KCNJ3: variants seen among roughly 807,000 people sequenced by gnomAD.
KCNJ3 encodes G protein-activated inward rectifier potassium channel 1.
A neutral mutation model predicts 39.2 loss-of-function variants in KCNJ3; 4 were observed. That is an observed-to-expected ratio of 0.10 (90% CI 0.05 to 0.23). KCNJ3 has a LOEUF of 0.23. Ranked by LOEUF, KCNJ3 falls within the 10% of genes least tolerant of loss-of-function variation. KCNJ3 has a pLI of 1.00. For synonymous variants in KCNJ3, 230 were observed against 237.4 expected (o/e 0.97, Z 0.29); for missense variants, 276 against 634.9 (o/e 0.43, Z 6.08).
At chr2:154,715,574 T>C (rs558259668) in intron 2 of KCNJ3, among the ~76,000 whole-genome samples, 1 of 152,246 alleles carries the variant, frequency 6.6e-6, no homozygotes, top group Non-Finnish European at 1.5e-5. Flanking sequence ...ATTAAATGCA[T>C]GCTTATTATA....
At chr2:154,838,866 CTAGTGA>C (rs1402660369) in intron 2 of KCNJ3, among the ~76,000 whole-genome samples, 4 of 152,112 alleles carry the variant, frequency 2.6e-5, no homozygotes, top group Non-Finnish European at 5.9e-5. Flanking sequence ...CTTCTCTATG[CTAGTGA>C]TAATGTTTTC....
intron 2 of KCNJ3, among the ~76,000 whole-genome samples, chr2:154,823,987 G>A (rs1687226665): frequency 6.6e-6 from 1 of 152,104 alleles, no homozygotes; most frequent in Non-Finnish European, 1.5e-5. Flanking sequence ...ATAGAGTTTT[G>A]TTTGTTCCCT....
intron 2 of KCNJ3, among the ~76,000 whole-genome samples, chr2:154,797,831 G>A (rs1028718486): frequency 6.6e-6 from 1 of 151,744 alleles, no homozygotes; most frequent in African/African-American, 2.4e-5. Context: ...TTATTATATT[G>A]CATTATTATC....
At chr2:154,749,506 G>T (rs1207377281) in intron 2 of KCNJ3, among the ~76,000 whole-genome samples, 1 of 152,004 alleles carries the variant, frequency 6.6e-6, no homozygotes, top group Non-Finnish European at 1.5e-5. Context: ...TGATAATTTT[G>T]CATAGGCATA....
chr2:154,765,265 A>G (rs1363744813), intron 2 of KCNJ3, among the ~76,000 whole-genome samples: 1 of 152,174 alleles, frequency 6.6e-6, no homozygotes, highest in Non-Finnish European at 1.5e-5. Flanking sequence ...CTTATTAAGG[A>G]AGGCTTCTTT....
At chr2:154,706,621 A>G (rs1388664019) in intron 1 of KCNJ3, among the ~76,000 whole-genome samples, 2 of 152,136 alleles carry the variant, frequency 1.3e-5, no homozygotes, top group African/African-American at 2.4e-5. Context: ...ACACAAGTTG[A>G]GATTTAAAAC....
chr2:154,792,147 T>C (rs933603377), intron 2 of KCNJ3, among the ~76,000 whole-genome samples: 1 of 152,066 alleles, frequency 6.6e-6, no homozygotes, highest in Non-Finnish European at 1.5e-5. Flanking sequence ...GACTATTCCT[T>C]CACCTGTGCC....
intron 2 of KCNJ3, among the ~76,000 whole-genome samples, chr2:154,800,433 A>G (rs968826233): frequency 6.6e-6 from 1 of 152,142 alleles, no homozygotes; most frequent in African/African-American, 2.4e-5. Context: ...GACGGGATGT[A>G]GAGATCGGCA....
chr2:154,763,852 G>GA (rs2105190783), intron 2 of KCNJ3, among the ~76,000 whole-genome samples: 1 of 152,286 alleles, frequency 6.6e-6, no homozygotes, highest in South Asian at 2.1e-4. Flanking sequence ...AGAAACAAGT[G>GA]AAAAGATTTA....
At chr2:154,809,903 TA>T (rs1686978596) in intron 2 of KCNJ3, among the ~76,000 whole-genome samples, 1 of 151,492 alleles carries the variant, frequency 6.6e-6, no homozygotes, top group Non-Finnish European at 1.5e-5. Flanking sequence ...TATATATATA[TA>T]TGCACACACA....
chr2:154,837,032 T>C (rs145161936), intron 2 of KCNJ3, among the ~76,000 whole-genome samples: 163 of 152,298 alleles, frequency 1.1e-3, no homozygotes, highest in African/African-American at 3.7e-3. Flanking sequence ...ACACGAGGGA[T>C]AGAAATTTCA....
At chr2:154,784,676 C>T (rs186321845) in intron 2 of KCNJ3, among the ~76,000 whole-genome samples, 37 of 152,260 alleles carry the variant, frequency 2.4e-4, no homozygotes, top group African/African-American at 8.2e-4. Context: ...CCACTGCGCC[C>T]GGCCTGGACA....
chr2:154,797,429 G>A (rs573679783), intron 2 of KCNJ3, among the ~76,000 whole-genome samples: 4 of 152,060 alleles, frequency 2.6e-5, no homozygotes, highest in South Asian at 4.2e-4. Context: ...CCAAAACTCC[G>A]TAAAATAAGA....
At position 154,845,582 on chromosome 2, in the gene KCNJ3, C is replaced by T. The variant is rs115222631; in HGVS notation, c.920-9145C>T. ...GCTATTGCTTTCATTCTATAATTAA[C>T]AATGCTTTAATAAATACCATAAGGA... On this transcript the variant is annotated intron_variant, in intron 2 of 2. Coordinates refer to ENST00000295101, the MANE Select transcript of KCNJ3 (RefSeq NM_002239.4). Among the ~76,000 whole-genome samples, 161 of 152,278 alleles carry T rather than the reference C, an allele frequency of 1.1e-3. 1 individual carries two copies. In the South Asian group the frequency reaches 0.019, roughly 18 times the overall value.
intron 2 of KCNJ3, among the ~76,000 whole-genome samples, chr2:154,845,925 G>A (rs1173283290): frequency 1.3e-5 from 2 of 151,274 alleles, no homozygotes; most frequent in East Asian, 2.0e-4. Flanking sequence ...AGCCAAGATC[G>A]TACCACTGCC....
chr2:154,840,183 T>TTAAA (rs1380213046), intron 2 of KCNJ3, among the ~76,000 whole-genome samples: 1 of 152,194 alleles, frequency 6.6e-6, no homozygotes, highest in African/African-American at 2.4e-5. Context: ...GCACCATTTA[T>TTAAA]TAAATAAATA....
rs116621755 is a variant in KCNJ3, at chr2:154,763,013, C to T, written c.919+53194C>T. 5.5e-3 allele frequency among the ~76,000 whole-genome samples: 845 copies of T among 152,282 alleles called. 9 individuals carry two copies. The highest frequency in any genetic ancestry group is 0.019 in the African/African-American group (808 of 41,560). On this transcript the variant is annotated intron_variant, in intron 2 of 2. Transcript: ENST00000295101. ...GATTAGAAATTTAATTTCTCCAAGC[C>T]TCAGTTTCTTCATCTGTAACGTGAC...
intron 2 of KCNJ3, among the ~76,000 whole-genome samples, chr2:154,801,416 A>T (rs1686814292): frequency 1.3e-5 from 2 of 152,072 alleles, no homozygotes; most frequent in East Asian, 3.9e-4. Flanking sequence ...TGGTACCAGG[A>T]AGGAATTTTT....
intron 2 of KCNJ3, among the ~76,000 whole-genome samples, chr2:154,823,343 A>G (rs1372536098): frequency 2.6e-5 from 4 of 152,062 alleles, no homozygotes; most frequent in African/African-American, 9.7e-5. Flanking sequence ...AGAGAGAGAG[A>G]GAAAGAAAAA....
Sources: allele counts gnomAD v4.1 joint callset (sites outside exome capture counted in the v4.1 genomes callset), GRCh38; gene constraint gnomAD v4.1.1; transcripts MANE v1.5; gene names NCBI Gene and HGNC (gene_info 2026-07-23, HGNC 2026-07-21).